The following CPQ variants were observed in gnomAD, a reference collection of about 807,000 sequenced individuals.
CPQ encodes the protein carboxypeptidase Q.
CPQ carries 37 observed loss-of-function variants against 45.7 expected under a neutral mutation model. That is an observed-to-expected ratio of 0.81 (90% CI 0.62 to 1.07). The LOEUF is 1.07. Ranked by LOEUF, CPQ falls within the 50% of genes least tolerant of loss-of-function variation. The pLI is 0.00. For synonymous variants in CPQ, 186 were observed against 205.8 expected (o/e 0.90, Z 0.82); for missense variants, 537 against 572.9 (o/e 0.94, Z 0.64).
At chr8:96,800,966 T>G (rs537448008) in intron 2 of CPQ, among the ~76,000 whole-genome samples, 4 of 142,946 alleles carry the variant, frequency 2.8e-5, no homozygotes, top group African/African-American at 1.0e-4. Flanking sequence ...AACTGAACAC[T>G]CTGAATTTGA....
chr8:97,097,849 A>C (rs894166141), intron 7 of CPQ, among the ~76,000 whole-genome samples: 1 of 152,200 alleles, frequency 6.6e-6, no homozygotes, highest in Admixed American at 6.5e-5. Flanking sequence ...AATTTACAAG[A>C]GAGGTTTCTG....
intron 7 of CPQ, among the ~76,000 whole-genome samples, chr8:97,122,757 C>T (rs1319535873): frequency 6.6e-6 from 1 of 150,950 alleles, no homozygotes; most frequent in African/African-American, 2.4e-5. Context: ...TGGTGGCGTG[C>T]ACCTGTAATC....
chr8:97,015,957 T>A (rs1462896376), intron 5 of CPQ, among the ~76,000 whole-genome samples: 2 of 152,154 alleles, frequency 1.3e-5, no homozygotes, highest in Non-Finnish European at 2.9e-5. Context: ...TTACAAAAAA[T>A]GTAAAGAAGT....
At chr8:97,038,220 T>C (rs1314302109) in intron 6 of CPQ, among the ~76,000 whole-genome samples, 1 of 152,232 alleles carries the variant, frequency 6.6e-6, no homozygotes, top group Non-Finnish European at 1.5e-5. Flanking sequence ...TTAAAGTTAC[T>C]CCTAAGAATG....
At chr8:97,121,407 A>G (rs746016055) in intron 7 of CPQ, among the ~76,000 whole-genome samples, 1 of 152,226 alleles carries the variant, frequency 6.6e-6, no homozygotes, top group Non-Finnish European at 1.5e-5. Flanking sequence ...TAAATTGAAC[A>G]GAGACCCTAG....
At chr8:96,822,305 G>A (rs1359210365) in intron 2 of CPQ, among the ~76,000 whole-genome samples, 4 of 151,884 alleles carry the variant, frequency 2.6e-5, no homozygotes. Context: ...TTCATTCACT[G>A]ATGGACACTT....
intron 1 of CPQ, among the ~76,000 whole-genome samples, chr8:96,686,750 A>G (rs1809233546): frequency 6.6e-6 from 1 of 152,068 alleles, no homozygotes; most frequent in Non-Finnish European, 1.5e-5. Flanking sequence ...AACACTTTGA[A>G]TGGCATTAAA....
intron 2 of CPQ, among the ~76,000 whole-genome samples, chr8:96,805,514 A>G (rs1212623622): frequency 6.6e-6 from 1 of 152,198 alleles, no homozygotes; most frequent in Admixed American, 6.5e-5. Flanking sequence ...GCAAAATGAG[A>G]TAATGCATTT....
At chr8:97,064,897 T>G (rs1273550464) in intron 6 of CPQ, among the ~76,000 whole-genome samples, 3 of 152,180 alleles carry the variant, frequency 2.0e-5, no homozygotes, top group African/African-American at 7.2e-5. Flanking sequence ...ATTTGCCAGC[T>G]GTATGACATT....
intron 7 of CPQ, among the ~76,000 whole-genome samples, chr8:97,086,898 G>A (rs910083082): frequency 6.6e-6 from 1 of 152,078 alleles, no homozygotes; most frequent in Admixed American, 6.6e-5. Context: ...TCTGCCATGG[G>A]AAGAGCCCAT....
intron 4 of CPQ, among the ~76,000 whole-genome samples, chr8:96,940,635 T>C (rs1044836997): frequency 6.6e-6 from 1 of 152,206 alleles, no homozygotes; most frequent in Non-Finnish European, 1.5e-5. Context: ...CTGTATTTCT[T>C]GAGTTCACTT....
intron 3 of CPQ, among the ~76,000 whole-genome samples, chr8:96,868,818 T>G (rs1269960386): frequency 6.6e-6 from 1 of 152,004 alleles, no homozygotes; most frequent in Admixed American, 6.6e-5. Flanking sequence ...CTACACTTCA[T>G]AATTAACATT....
intron 3 of CPQ, among the ~76,000 whole-genome samples, chr8:96,874,579 T>C (rs1812121472): frequency 6.6e-6 from 1 of 151,772 alleles, no homozygotes; most frequent in Non-Finnish European, 1.5e-5. Flanking sequence ...TTCATACAAA[T>C]GGAATCTTGC....
Position 96,746,991 on chromosome 8 carries a change from G to A in CPQ, c.-34-37873G>A, listed in dbSNP as rs192590505. 3.4e-3 allele frequency among the ~76,000 whole-genome samples: 510 copies of A among 152,220 alleles called. 7 individuals are homozygous for A. The highest frequency in any genetic ancestry group is 0.012 in the African/African-American group (485 of 41,554). On this transcript the variant is annotated intron_variant, in intron 1 of 7. Transcript: ENST00000220763. Reference sequence around the variant, plus strand: ...TTATGGCTGGTACCTGGGATTTGGTGTATTTAAAATTTGTTTGGGCCAGTC... The same window carrying A: ...TTATGGCTGGTACCTGGGATTTGGTATATTTAAAATTTGTTTGGGCCAGTC...
intron 1 of CPQ, among the ~76,000 whole-genome samples, chr8:96,670,309 A>C (rs1473899699): frequency 6.7e-6 from 1 of 149,888 alleles, no homozygotes; most frequent in Non-Finnish European, 1.5e-5. Context: ...GGAGTGACTC[A>C]ATTTTTTTTT....
intron 1 of CPQ, among the ~76,000 whole-genome samples, chr8:96,733,098 G>GTA (rs1809933486): frequency 6.6e-6 from 1 of 152,134 alleles, no homozygotes; most frequent in South Asian, 2.1e-4. Context: ...AGGATTTCAG[G>GTA]TATACATTTG....
intron 1 of CPQ, among the ~76,000 whole-genome samples, chr8:96,727,693 T>G (rs931394443): frequency 6.6e-6 from 1 of 152,088 alleles, no homozygotes; most frequent in Non-Finnish European, 1.5e-5. Flanking sequence ...GGGTGACACA[T>G]TCAAATGCTT....
At chr8:96,920,803 T>G (rs7820170) in intron 4 of CPQ, among the ~76,000 whole-genome samples, 2,492 of 152,256 alleles carry the variant, frequency 0.016, 70 homozygotes, top group African/African-American at 0.056. Context: ...GGCGGCCATC[T>G]GCAAGCCACA....
At chr8:97,034,663 A>G (rs1025806245) in intron 6 of CPQ, among the ~76,000 whole-genome samples, 3 of 152,168 alleles carry the variant, frequency 2.0e-5, no homozygotes, top group African/African-American at 7.2e-5. Flanking sequence ...GGTATATAGC[A>G]TTCCTATTAC....
Sources: gnomAD v4.1 joint callset for allele counts (sites outside exome capture counted in the v4.1 genomes callset) on GRCh38, gnomAD v4.1.1 for gene constraint, MANE v1.5 for transcripts, NCBI Gene and HGNC (gene_info 2026-07-23, HGNC 2026-07-21) for gene names.